The following DIAPH2 variants were observed in gnomAD, a reference collection of about 807,000 sequenced individuals.
The protein encoded by DIAPH2 is protein diaphanous homolog 2.
DIAPH2 carries 35 observed loss-of-function variants against 92.7 expected under a neutral mutation model. The ratio of observed to expected loss-of-function variants is 0.38; its 90% CI spans 0.29 to 0.50. The LOEUF (loss-of-function observed/expected upper bound fraction) is 0.50, where lower values mean the gene tolerates loss of function less well. DIAPH2 is among the 20% of genes least tolerant of loss of function. The pLI is 0.94. For missense variants in DIAPH2, 701 were observed against 819.5 expected (o/e 0.86, Z 1.77); for synonymous variants, 301 against 280.4 (o/e 1.07, Z -0.73).
intron 26 of DIAPH2, among the ~76,000 whole-genome samples, chrX:97,564,841 A>G (rs2071315952): frequency 8.9e-6 from 1 of 111,868 alleles, no homozygotes; most frequent in South Asian, 3.8e-4. Context: ...CTCATGCACT[A>G]TAGATACATG....
chrX:97,021,148 G>A (rs1405212523), intron 17 of DIAPH2, among the ~76,000 whole-genome samples: 2 of 112,054 alleles, frequency 1.8e-5, no homozygotes, highest in East Asian at 2.8e-4. Context: ...GCTGGATGGG[G>A]ACCATCTTTC....
chrX:97,133,444 C>T (rs776086905), intron 21 of DIAPH2, among the ~76,000 whole-genome samples: 3 of 111,622 alleles, frequency 2.7e-5, no homozygotes, highest in South Asian at 3.8e-4. Context: ...TGTGCCACCA[C>T]GCCTAGCTAA....
chrX:96,839,141 A>G (rs1180414664), intron 4 of DIAPH2, among the ~76,000 whole-genome samples: 1 of 111,496 alleles, frequency 9.0e-6, no homozygotes, highest in East Asian at 2.8e-4. Flanking sequence ...AGGGCCAAAC[A>G]ATGTAAATAA....
intron 26 of DIAPH2, among the ~76,000 whole-genome samples, chrX:97,450,741 A>G (rs1244203168): frequency 2.7e-5 from 3 of 111,056 alleles, no homozygotes; most frequent in Non-Finnish European, 5.7e-5. Flanking sequence ...TATGGCCTTT[A>G]TCTTTTATTA....
At chrX:97,385,367 G>A (rs1330633029) in intron 25 of DIAPH2, among the ~76,000 whole-genome samples, 2 of 109,737 alleles carry the variant, frequency 1.8e-5, no homozygotes, top group East Asian at 2.8e-4. Context: ...CGAGTAGCTG[G>A]GATTACAGGT....
At chrX:97,124,876 C>T (rs931209451) in intron 21 of DIAPH2, among the ~76,000 whole-genome samples, 1 of 111,559 alleles carries the variant, frequency 9.0e-6, no homozygotes, top group African/African-American at 3.3e-5. Flanking sequence ...ATACACCCCT[C>T]TGCAAACACA....
At chrX:97,100,911 G>A (rs2066901680) in intron 20 of DIAPH2, among the ~76,000 whole-genome samples, 1 of 111,721 alleles carries the variant, frequency 9.0e-6, no homozygotes, top group African/African-American at 3.2e-5. Context: ...GGCATTGACT[G>A]CACTTATATA....
At chrX:97,434,932 A>C (rs1052022747) in intron 26 of DIAPH2, among the ~76,000 whole-genome samples, 1 of 111,384 alleles carries the variant, frequency 9.0e-6, no homozygotes, top group East Asian at 2.8e-4. Flanking sequence ...GATTTTTAAG[A>C]GAAAAGAAAA....
chrX:96,709,279 A>G (rs1342041574), intron 1 of DIAPH2, among the ~76,000 whole-genome samples: 3 of 112,010 alleles, frequency 2.7e-5, no homozygotes, highest in East Asian at 2.8e-4. Flanking sequence ...GGTAATTGCT[A>G]TTGTAACTAT....
In DIAPH2 at chrX:96,948,968, C is replaced by A; in HGVS notation, c.1543C>A (p.Gln515Lys). ...AGAATTCACAGCTCGACAGGAAGCT[C>A]AAGCAGAGCTTCAAAAAAGAGATGA... ...DEEFTARQEA[Q>K]AELQKRDEKI... is the part of the protein sequence containing the mutation. Residue 515 changes from glutamine to lysine, a missense_variant, in exon 15 of 27, where the codon CAA becomes AAA. Transcript: ENST00000324765. 1.7e-6 allele frequency: 2 copies of A among 1,204,224 alleles called. No individual in the cohort carries two copies. Among genetic ancestry groups the A allele is most frequent in the Non-Finnish European group, 2.2e-6 (2 of 891,609 alleles).
intron 17 of DIAPH2, among the ~76,000 whole-genome samples, chrX:96,970,979 C>G (rs1393148601): frequency 8.9e-6 from 1 of 112,015 alleles, no homozygotes; most frequent in Non-Finnish European, 1.9e-5. Flanking sequence ...TCTGTAAAGG[C>G]ATAAAATTTC....
At chrX:97,313,398 A>G (rs2068813664) in intron 23 of DIAPH2, among the ~76,000 whole-genome samples, 1 of 111,554 alleles carries the variant, frequency 9.0e-6, no homozygotes, top group Non-Finnish European at 1.9e-5. Flanking sequence ...ATAACTTTAT[A>G]TCTTTTATAT....
At chrX:97,242,643 G>A (rs1189078288) in intron 22 of DIAPH2, among the ~76,000 whole-genome samples, 1 of 111,045 alleles carries the variant, frequency 9.0e-6, no homozygotes, top group Admixed American at 9.6e-5. Context: ...TGGGATTACA[G>A]GCATGAGCCA....
intron 1 of DIAPH2, among the ~76,000 whole-genome samples, chrX:96,703,173 A>C (rs370388317): frequency 4.5e-5 from 5 of 111,833 alleles, no homozygotes; most frequent in East Asian, 2.8e-4. Flanking sequence ...TTACATAAGC[A>C]TTCAGTGCTC....
chrX:97,208,479 T>C (rs1814151875), intron 22 of DIAPH2, among the ~76,000 whole-genome samples: 1 of 112,151 alleles, frequency 8.9e-6, no homozygotes, highest in African/African-American at 3.2e-5. Flanking sequence ...TTCAGTCTGT[T>C]TTCAGATTAA....
intron 21 of DIAPH2, among the ~76,000 whole-genome samples, chrX:97,124,851 T>A (rs1423744353): frequency 1.8e-5 from 2 of 111,818 alleles, no homozygotes; most frequent in East Asian, 5.6e-4. Context: ...TGAGTACTAG[T>A]AATGCCTCGT....
intron 4 of DIAPH2, among the ~76,000 whole-genome samples, chrX:96,871,496 G>C (rs866037270): frequency 2.4e-4 from 18 of 74,696 alleles, no homozygotes; most frequent in Middle Eastern, 6.8e-3. Context: ...AAAAAAAAAG[G>C]TAGTGTACTT....
In DIAPH2 at chrX:97,225,122, T is replaced by TA. The variant is rs1384421427; in HGVS notation, c.2720-22583dup. Among the ~76,000 whole-genome samples the TA allele has an allele frequency of 7.5e-3, 805 of 107,122 alleles. 11 individuals are homozygous for TA. Among genetic ancestry groups the TA allele is most frequent in the African/African-American group, 0.026 (764 of 29,548 alleles). The allele number at this position is 107,122 out of a possible 115,157, so 93.0% of individuals were successfully genotyped here. A position where few individuals can be genotyped will look rare whatever the true frequency, so the allele number is the denominator to read the frequency against. On this transcript the variant is annotated intron_variant, in intron 22 of 26. Coordinates refer to ENST00000324765, the MANE Select transcript of DIAPH2 (RefSeq NM_006729.5). ...ATTATGTGAACCAAGAAATGGTGCTTAAAAAAAAAACCTTGCCATTTATGC... is the reference window on the plus strand; with the variant it reads ...ATTATGTGAACCAAGAAATGGTGCTTAAAAAAAAAAACCTTGCCATTTATGC...
At chrX:96,978,713 A>G (rs2065977169) in intron 17 of DIAPH2, among the ~76,000 whole-genome samples, 1 of 110,774 alleles carries the variant, frequency 9.0e-6, no homozygotes, top group Non-Finnish European at 1.9e-5. Flanking sequence ...CAAATTTAGC[A>G]ATTAATAGAA....
Sources: allele counts gnomAD v4.1 joint callset (sites outside exome capture counted in the v4.1 genomes callset), GRCh38; gene constraint gnomAD v4.1.1; transcripts MANE v1.5; gene names NCBI Gene and HGNC (gene_info 2026-07-23, HGNC 2026-07-21).